Variants in JADE2 observed in about 807,000 individuals in gnomAD.
JADE2 encodes the protein E3 ubiquitin-protein ligase Jade-2.
Under a neutral mutation model 85.7 loss-of-function variants are expected in JADE2, and 13 were observed. The observed-to-expected ratio is 0.15, with a 90% CI of 0.10 to 0.24. The LOEUF is 0.24. Among genes scored for constraint, JADE2 ranks in the 10% least tolerant of loss-of-function variants. The pLI, the probability that JADE2 is intolerant of heterozygous loss-of-function variation, is 1.00. For missense variants in JADE2, 846 were observed against 1,115.9 expected (o/e 0.76, Z 3.45); for synonymous variants, 440 against 456.1 (o/e 0.96, Z 0.45).
Position 134,555,766 on chromosome 5 carries a change from G to A in JADE2, c.311+3557G>A, listed in dbSNP as rs368958249. On this transcript the variant is annotated intron_variant, in intron 4 of 11. Coordinates refer to ENST00000681547, the MANE Select transcript of JADE2 (RefSeq NM_001388185.1). ...AAAAGAATGTGTTTGTTAAGTAACA[G>A]TTTCATGGGGAAAGGCAGAATTGTG... 3.3e-5 allele frequency among the ~76,000 whole-genome samples: 5 copies of A among 152,246 alleles called. No individual in the cohort carries two copies. In the South Asian group the frequency reaches 6.2e-4, roughly 19 times the overall value.
chr5:134,531,706 C>T (rs902959456), intron 1 of JADE2, among the ~76,000 whole-genome samples: 1 of 151,904 alleles, frequency 6.6e-6, no homozygotes, highest in Non-Finnish European at 1.5e-5. Context: ...CCTCAGCCTC[C>T]AGAGTAGCTG....
chr5:134,554,354 T>C (rs1762785076), intron 4 of JADE2, among the ~76,000 whole-genome samples: 1 of 152,096 alleles, frequency 6.6e-6, no homozygotes, highest in Admixed American at 6.6e-5. Flanking sequence ...CTGCCACACA[T>C]ACCAGTGCCT....
intron 9 of JADE2, among the ~76,000 whole-genome samples, chr5:134,571,980 G>A (rs1330963084): frequency 6.6e-6 from 1 of 152,244 alleles, no homozygotes; most frequent in Admixed American, 6.5e-5. Flanking sequence ...GGTCCTGTCA[G>A]TAGTTGGTCA....
chr5:134,539,825 G>T lies in JADE2; in HGVS notation c.153+1742G>T, dbSNP rs904560222. 4.8e-4 allele frequency among the ~76,000 whole-genome samples: 73 copies of T among 152,314 alleles called. 1 individual carries two copies. The highest frequency in any genetic ancestry group is 5.0e-4 in the Non-Finnish European group (34 of 68,012). On this transcript the variant is annotated intron_variant, in intron 3 of 11. Coordinates refer to ENST00000681547, the MANE Select transcript of JADE2 (RefSeq NM_001388185.1). ...GTCTTTAGCCAGCCCTTGGAGGGGG[G>T]CTTCTGCAGAGGCTTGCATCTGAAA...
At chr5:134,542,321 A>G (rs1458406917) in intron 3 of JADE2, among the ~76,000 whole-genome samples, 2 of 152,192 alleles carry the variant, frequency 1.3e-5, no homozygotes, top group Non-Finnish European at 2.9e-5. Flanking sequence ...CCTTTGTGGA[A>G]CACATCTCTG....
chr5:134,549,489 C>T (rs568417256), intron 3 of JADE2, among the ~76,000 whole-genome samples: 69 of 152,140 alleles, frequency 4.5e-4, no homozygotes, highest in African/African-American at 1.3e-3. Flanking sequence ...GGTGAAACCC[C>T]GTATTAAAAA....
chr5:134,547,109 C>A (rs1762339742), intron 3 of JADE2, among the ~76,000 whole-genome samples: 1 of 152,088 alleles, frequency 6.6e-6, no homozygotes, highest in Non-Finnish European at 1.5e-5. Context: ...AGAGTTCTTC[C>A]TAGGGAAATA....
chr5:134,530,575 G>A (rs1424934539), intron 1 of JADE2, among the ~76,000 whole-genome samples: 1 of 152,204 alleles, frequency 6.6e-6, no homozygotes, highest in Non-Finnish European at 1.5e-5. Flanking sequence ...GGAGGCCCAG[G>A]GTGTTTATTT....
intron 3 of JADE2, among the ~76,000 whole-genome samples, chr5:134,542,741 C>CT (rs1007503629): frequency 1.9e-4 from 28 of 147,860 alleles, no homozygotes; most frequent in East Asian, 1.5e-3. Flanking sequence ...CATGCCTGGC[C>CT]TTTTTTTTTG....
intron 3 of JADE2, among the ~76,000 whole-genome samples, chr5:134,544,063 C>G (rs73788682): frequency 0.019 from 2,886 of 152,348 alleles, 84 homozygotes; most frequent in African/African-American, 0.061. Flanking sequence ...CTGGCCTGGG[C>G]AGAGACACAG....
rs192721059 is a variant in JADE2 at position 134,565,700 on chromosome 5, G to T, written c.970-416G>T. Among the ~76,000 whole-genome samples, 3 of 152,198 alleles carry T rather than the reference G, an allele frequency of 2.0e-5. No homozygotes were observed. The East Asian group carries it at 5.8e-4, about 29-fold the overall frequency. ...TCTCTAAAAATACAAAAACTAGGTG[G>T]TGCATGCCTGTAGCCCTAGCTACTT... On this transcript the variant is annotated intron_variant, in intron 8 of 11. Transcript: ENST00000681547.
chr5:134,534,003 C>A (rs1761426092), intron 1 of JADE2, among the ~76,000 whole-genome samples: 1 of 152,124 alleles, frequency 6.6e-6, no homozygotes, highest in African/African-American at 2.4e-5. Context: ...GCCCCGGCCT[C>A]CCAAAGTGCT....
chr5:134,547,124 C>A (rs1262297854), intron 3 of JADE2, among the ~76,000 whole-genome samples: 1 of 152,300 alleles, frequency 6.6e-6, no homozygotes, highest in East Asian at 1.9e-4. Context: ...GAAATAGGTA[C>A]AGAAAGCTAG....
chr5:134,566,595 C>T lies in JADE2; in HGVS notation c.1434+15C>T, dbSNP rs374892061. The T allele has an allele frequency of 1.4e-4, 221 of 1,525,988 alleles. No individual in the cohort carries two copies. Among genetic ancestry groups the T allele is most frequent in the Non-Finnish European group, 1.8e-4 (206 of 1,130,314 alleles). The allele number at this position is 1,525,988 out of a possible 1,614,324, so 94.5% of individuals were successfully genotyped here. On this transcript the variant is annotated intron_variant, in intron 9 of 11. Coordinates refer to ENST00000681547, the MANE Select transcript of JADE2 (RefSeq NM_001388185.1). The surrounding 1 kb of genome is among the most constrained non-coding windows in gnomAD (Gnocchi z 6.7). ...ACCTAGAGAGGGTGAGTCCCCATGC[C>T]GCCTGCCCACCCCCTGCCTGGTGGG...
In JADE2 at chr5:134,559,996, T is replaced by G. The variant is rs1037075972; in HGVS notation, c.472+6T>G. 1 of 1,613,808 alleles carries G rather than the reference T, an allele frequency of 6.2e-7. No individual in the cohort carries two copies. The highest frequency in any genetic ancestry group is 1.3e-5 in the African/African-American group (1 of 74,966). On this transcript the variant is annotated splice_donor_region_variant and intron_variant, in intron 5 of 11. Coordinates refer to ENST00000681547, the MANE Select transcript of JADE2 (RefSeq NM_001388185.1). Reference sequence around the variant, plus strand: ...CTCGGAGCTTAAGGAGATGGGTAGGTGACCACTGCATTAAGAATGGGATCA... The same window carrying G: ...CTCGGAGCTTAAGGAGATGGGTAGGGGACCACTGCATTAAGAATGGGATCA...
At chr5:134,530,273 G>A (rs138795063) in intron 1 of JADE2, among the ~76,000 whole-genome samples, 55 of 152,376 alleles carry the variant, frequency 3.6e-4, no homozygotes, top group African/African-American at 1.3e-3. Flanking sequence ...AATTGTATTA[G>A]CATCTTATTA....
intron 6 of JADE2, among the ~76,000 whole-genome samples, chr5:134,561,555 A>G (rs1258933168): frequency 7.2e-6 from 1 of 139,178 alleles, no homozygotes; most frequent in South Asian, 2.2e-4. Flanking sequence ...GGTCTTGAGT[A>G]TCTCTGGGCC....
intron 10 of JADE2, chr5:134,575,366 TAGG>T (rs1451597568): frequency 6.6e-6 from 1 of 152,160 alleles, no homozygotes; most frequent in Non-Finnish European, 1.5e-5. Flanking sequence ...AGGTGAAGGA[TAGG>T]AGAAGAAAAC....
At chr5:134,529,719 G>A (rs984919139) in intron 1 of JADE2, among the ~76,000 whole-genome samples, 3 of 152,242 alleles carry the variant, frequency 2.0e-5, no homozygotes, top group Non-Finnish European at 4.4e-5. Context: ...GAGCCAGCTC[G>A]CTTCTCTGCA....
Sources: allele counts gnomAD v4.1 joint callset (sites outside exome capture counted in the v4.1 genomes callset), GRCh38; gene constraint gnomAD v4.1.1; non-coding constraint Gnocchi (gnomAD v3.1); transcripts MANE v1.5; gene names NCBI Gene and HGNC (gene_info 2026-07-23, HGNC 2026-07-21).